Variants in MACROD1 observed in about 807,000 individuals in gnomAD.
The protein encoded by MACROD1 is mono-ADP ribosylhydrolase 1.
A neutral mutation model predicts 41.4 loss-of-function variants in MACROD1; 31 were observed. The ratio of observed to expected loss-of-function variants is 0.75; its 90% CI spans 0.56 to 1.01. The LOEUF is 1.01. Among genes scored for constraint, MACROD1 ranks in the 50% least tolerant of loss-of-function variants. MACROD1 has a pLI of 0.00. For synonymous variants in MACROD1, 252 were observed against 203.4 expected (o/e 1.24, Z -2.03); for missense variants, 473 against 460.0 (o/e 1.03, Z -0.26).
chr11:64,099,812 G>C (rs774254917), intron 3 of MACROD1, among the ~76,000 whole-genome samples: 1 of 151,950 alleles, frequency 6.6e-6, no homozygotes, highest in Non-Finnish European at 1.5e-5. Flanking sequence ...TGGACGGATG[G>C]AGAGGTGAAT....
At chr11:64,105,703 T>A (rs1328671082) in intron 3 of MACROD1, among the ~76,000 whole-genome samples, 1 of 152,174 alleles carries the variant, frequency 6.6e-6, no homozygotes, top group East Asian at 1.9e-4. Flanking sequence ...GCGGCTCCCA[T>A]GAGGCCCTGC....
At chr11:64,000,081 G>A (rs979660437) in intron 5 of MACROD1, 146 bp downstream of exon 5, 1 of 664,724 alleles carries the variant, frequency 1.5e-6, no homozygotes, top group African/African-American at 1.8e-5. Flanking sequence ...GGTGTGCGGG[G>A]TGGGGGCCGG....
chr11:64,074,240 G>A (rs568634073), intron 3 of MACROD1, among the ~76,000 whole-genome samples: 3 of 152,304 alleles, frequency 2.0e-5, no homozygotes, highest in South Asian at 2.1e-4. Context: ...AATGCAGTTC[G>A]TGGGGTTCTT....
intron 3 of MACROD1, among the ~76,000 whole-genome samples, chr11:64,148,300 G>A (rs1336123126): frequency 2.0e-5 from 3 of 152,124 alleles, no homozygotes; most frequent in East Asian, 1.9e-4. Context: ...AGCTCCCACT[G>A]CACCCTTCCC....
chr11:64,061,371 T>C (rs1172840736), intron 3 of MACROD1, among the ~76,000 whole-genome samples: 1 of 152,156 alleles, frequency 6.6e-6, no homozygotes, highest in Non-Finnish European at 1.5e-5. Flanking sequence ...GGCCCTCTGC[T>C]AGGCAAGAGG....
intron 3 of MACROD1, among the ~76,000 whole-genome samples, chr11:64,140,405 G>A (rs564972173): frequency 6.6e-5 from 10 of 152,316 alleles, no homozygotes; most frequent in South Asian, 4.1e-4. Context: ...CCGTCCCCTC[G>A]GCCATGCCAG....
chr11:64,120,932 A>AC lies in MACROD1; in HGVS notation c.517+30306dup, dbSNP rs1945087638. The stretch of plus-strand genomic sequence containing the variant: ...ACGGTGCTGCCAGCACACTGTCCCC[A>AC]CCTCACCTAGGTCCCCCTGTCTCCT... On this transcript the variant is annotated intron_variant, in intron 3 of 10. Coordinates refer to ENST00000255681, the MANE Select transcript of MACROD1 (RefSeq NM_014067.4). The surrounding 1 kb of genome is among the most constrained non-coding windows in gnomAD (Gnocchi z 4.5). 1.3e-5 allele frequency among the ~76,000 whole-genome samples: 2 copies of AC among 151,768 alleles called. No individual in the cohort carries two copies. Among genetic ancestry groups the AC allele is most frequent in the Admixed American group, 1.3e-4 (2 of 15,246 alleles).
chr11:64,066,417 A>C (rs1329838014), intron 3 of MACROD1, among the ~76,000 whole-genome samples: 1 of 151,882 alleles, frequency 6.6e-6, no homozygotes. Context: ...GTTTCAGACC[A>C]GCCTGGGCAA....
At chr11:64,105,625 ATGAGTGACCCCACAGGCG>A (rs1334257163) in intron 3 of MACROD1, among the ~76,000 whole-genome samples, 5 of 152,104 alleles carry the variant, frequency 3.3e-5, no homozygotes, top group African/African-American at 9.7e-5. Flanking sequence ...CCCCACAGGC[ATGAGTGACCCCACAGGCG>A]TGAGTGACCC....
chr11:64,142,536 G>GC (rs930197287), intron 3 of MACROD1, among the ~76,000 whole-genome samples: 13 of 152,058 alleles, frequency 8.5e-5, no homozygotes, highest in African/African-American at 3.1e-4. Context: ...TCTGAGTGCC[G>GC]CCCCCCAGCC....
intron 3 of MACROD1, among the ~76,000 whole-genome samples, chr11:64,046,204 C>T (rs1590833686): frequency 2.0e-5 from 3 of 152,106 alleles, no homozygotes; most frequent in East Asian, 3.9e-4. Context: ...CCAGAGCAGC[C>T]GACTCCCACT....
intron 3 of MACROD1, among the ~76,000 whole-genome samples, chr11:64,048,038 T>C (rs1943617897): frequency 6.6e-6 from 1 of 152,182 alleles, no homozygotes; most frequent in Non-Finnish European, 1.5e-5. Context: ...GTGGGGATGC[T>C]GGCAGGCCCT....
chr11:64,098,888 G>T (rs1326168702), intron 3 of MACROD1, among the ~76,000 whole-genome samples: 2 of 152,316 alleles, frequency 1.3e-5, no homozygotes, highest in East Asian at 3.9e-4. Context: ...TCTGATTAAT[G>T]ACACATACAT....
chr11:64,025,248 A>G (rs1943209643), intron 3 of MACROD1, among the ~76,000 whole-genome samples: 1 of 152,198 alleles, frequency 6.6e-6, no homozygotes, highest in South Asian at 2.1e-4. Context: ...AGGAGCCACC[A>G]TACCCAGCTG....
At chr11:64,030,275 GT>G (rs1943277297) in intron 3 of MACROD1, among the ~76,000 whole-genome samples, 1 of 152,102 alleles carries the variant, frequency 6.6e-6, no homozygotes, top group Non-Finnish European at 1.5e-5. Context: ...GCAATTCCCA[GT>G]TTTATGAATC....
At chr11:64,026,300 C>T (rs1943223302) in intron 3 of MACROD1, among the ~76,000 whole-genome samples, 1 of 152,172 alleles carries the variant, frequency 6.6e-6, no homozygotes, top group African/African-American at 2.4e-5. Context: ...GCTGGGATTA[C>T]AGGTGTGAGC....
intron 3 of MACROD1, among the ~76,000 whole-genome samples, chr11:64,039,571 G>A (rs1353797806): frequency 6.6e-6 from 1 of 152,194 alleles, no homozygotes; most frequent in East Asian, 1.9e-4. Flanking sequence ...GGATGGCCGG[G>A]AGGAGACGGG....
intron 3 of MACROD1, among the ~76,000 whole-genome samples, chr11:64,038,023 T>A (rs900469421): frequency 5.1e-4 from 78 of 152,186 alleles, no homozygotes; most frequent in Admixed American, 2.5e-3. Context: ...GGGGTCGGAT[T>A]TTCCCACCAC....
chr11:64,135,704 A>G (rs1295746086), intron 3 of MACROD1, among the ~76,000 whole-genome samples: 1 of 152,210 alleles, frequency 6.6e-6, no homozygotes, highest in Non-Finnish European at 1.5e-5. Flanking sequence ...GGAGCAGCGC[A>G]GGGCCAGCTT....
Sources: allele counts gnomAD v4.1 joint callset (sites outside exome capture counted in the v4.1 genomes callset), GRCh38; gene constraint gnomAD v4.1.1; non-coding constraint Gnocchi (gnomAD v3.1); transcripts MANE v1.5; gene names NCBI Gene and HGNC (gene_info 2026-07-23, HGNC 2026-07-21).